ADAMTS9: variants seen among roughly 807,000 people sequenced by gnomAD.
ADAMTS9 encodes the protein ADAM metallopeptidase with thrombospondin type 1 motif 9.
A neutral mutation model predicts 257.1 loss-of-function variants in ADAMTS9; 107 were observed. That is an observed-to-expected ratio of 0.42 (90% CI 0.36 to 0.49). ADAMTS9 has a LOEUF of 0.49. ADAMTS9 is among the 20% of genes least tolerant of loss of function. ADAMTS9 has a pLI of 0.03. For synonymous variants in ADAMTS9, 982 were observed against 880.9 expected (o/e 1.11, Z -2.03); for missense variants, 2,353 against 2,469.1 (o/e 0.95, Z 1.00).
chr3:64,580,091 G>T (rs2083957339), intron 28 of ADAMTS9, among the ~76,000 whole-genome samples: 1 of 152,020 alleles, frequency 6.6e-6, no homozygotes, highest in African/African-American at 2.4e-5. Flanking sequence ...TGACATTTTT[G>T]TCAGATGGGT....
rs201534044 is a variant in ADAMTS9, at chr3:64,539,191, C to A, written c.5613+12G>T. 1.4e-5 allele frequency: 23 copies of A among 1,609,110 alleles called. No homozygotes were observed. The East Asian group carries it at 5.1e-4, about 36-fold the overall frequency. On this transcript the variant is annotated intron_variant, in intron 37 of 39. Coordinates refer to ENST00000498707, the MANE Select transcript of ADAMTS9 (RefSeq NM_182920.2). Reference sequence around the variant, plus strand: ...TGAATCCCTGGCAAGGGGGAAGGCACCAAGGACATACCTGTGGGCACTTGG... The same window carrying A: ...TGAATCCCTGGCAAGGGGGAAGGCAACAAGGACATACCTGTGGGCACTTGG...
intron 29 of ADAMTS9, 48 bp from the exon 30 acceptor site, chr3:64,561,799 T>TTG: frequency 6.3e-5 from 35 of 559,936 alleles, no homozygotes; most frequent in Middle Eastern, 3.3e-4. Flanking sequence ...ATTTATTTTT[T>TTG]GGGGGGGCGG....
intron 9 of ADAMTS9, 129 bp downstream of exon 9, chr3:64,650,888 T>G: frequency 2.6e-6 from 2 of 781,826 alleles, no homozygotes; most frequent in Non-Finnish European, 3.7e-6. Context: ...TTTTTTTGCC[T>G]TCTCCAAGGA....
At chr3:64,549,255 T>C (rs183782169) in intron 31 of ADAMTS9, among the ~76,000 whole-genome samples, 1 of 152,314 alleles carries the variant, frequency 6.6e-6, no homozygotes, top group East Asian at 1.9e-4. Flanking sequence ...TGTGGAAGGC[T>C]TCCTTTTTTC....
Position 64,649,680 on chromosome 3 carries a change from C to T in ADAMTS9, c.1562G>A (p.Cys521Tyr). The change falls in exon 10 of 40, where the codon TGT becomes TAT. Residue 521 changes from cysteine (C) to tyrosine (Y), a missense_variant. By Grantham distance (194) the Cys-to-Tyr change is radical. This residue lies in a region of ADAMTS9 where 360 missense variants were observed against 458.1 expected (regional missense o/e 0.79). Transcript: ENST00000498707. ...AGAACCTGGTCCAAAAATCAATTCA[C>T]ATTGTTTATTCACGTTGTAAAGGAT... is the stretch of plus-strand genomic sequence containing the variant. Reference protein sequence around the residue: ...PGILYNVNKQCELIFGPGSQV... With the variant: ...PGILYNVNKQYELIFGPGSQV... 1 of 1,613,924 alleles carries T rather than the reference C, an allele frequency of 6.2e-7. No individual in the cohort carries two copies. The highest frequency in any genetic ancestry group is 8.5e-7 in the Non-Finnish European group (1 of 1,179,938).
At chr3:64,532,607 G>A (rs143878065) in intron 38 of ADAMTS9, among the ~76,000 whole-genome samples, 139 of 152,256 alleles carry the variant, frequency 9.1e-4, no homozygotes, top group African/African-American at 3.2e-3. Flanking sequence ...CCCAGAACCT[G>A]CATTTCCAAC....
In ADAMTS9 at chr3:64,654,568, T is replaced by C; in HGVS notation, c.1210+4A>G. The C allele has an allele frequency of 1.2e-6, 2 of 1,614,130 alleles. No homozygotes were observed. On this transcript the variant is annotated splice_donor_region_variant and intron_variant, in intron 7 of 39. Coordinates refer to ENST00000498707, the MANE Select transcript of ADAMTS9 (RefSeq NM_182920.2). The stretch of plus-strand genomic sequence containing the variant: ...GCCATAGAAGATACGCACAGAGAAC[T>C]CACCTAAGGTATCACATTTGTCGTG...
intron 39 of ADAMTS9, among the ~76,000 whole-genome samples, chr3:64,520,536 A>G (rs931756849): frequency 2.6e-5 from 4 of 152,184 alleles, no homozygotes; most frequent in Non-Finnish European, 5.9e-5. Flanking sequence ...CCGGACTTCA[A>G]ACTCTACTCC....
chr3:64,623,020 T>C (rs1234937802), intron 16 of ADAMTS9, among the ~76,000 whole-genome samples: 2 of 152,358 alleles, frequency 1.3e-5, no homozygotes, highest in East Asian at 3.9e-4. Context: ...GTCAAGCCTG[T>C]TGAATCTTTG....
At chr3:64,578,015 T>C (rs964854170) in intron 28 of ADAMTS9, among the ~76,000 whole-genome samples, 1 of 152,180 alleles carries the variant, frequency 6.6e-6, no homozygotes, top group Non-Finnish European at 1.5e-5. Context: ...TTTTATAACA[T>C]TTTCGGGAAG....
In ADAMTS9 at chr3:64,646,318, G is replaced by A. The variant is rs187457117; in HGVS notation, c.1710+1622C>T. The stretch of plus-strand genomic sequence containing the variant: ...GGGTCTTTGTGTTTAGAAGGACTCT[G>A]AGGCCACATCTTGATTTTGTAAGAA... On this transcript the variant is annotated intron_variant, in intron 11 of 39. Transcript: ENST00000498707. Among the ~76,000 whole-genome samples, 252 of 152,288 alleles carry A rather than the reference G, an allele frequency of 1.7e-3. 3 individuals carry two copies. The highest frequency in any genetic ancestry group is 5.8e-3 in the African/African-American group (239 of 41,554).
At chr3:64,647,884 C>G in intron 11 of ADAMTS9, 56 bp downstream of exon 11, 2 of 1,514,562 alleles carry the variant, frequency 1.3e-6, no homozygotes, top group Non-Finnish European at 1.8e-6. Context: ...ATCATACACC[C>G]AAAATCTTGC....
At chr3:64,640,786 T>C (rs1700617028) in intron 12 of ADAMTS9, among the ~76,000 whole-genome samples, 1 of 152,226 alleles carries the variant, frequency 6.6e-6, no homozygotes, top group Non-Finnish European at 1.5e-5. Flanking sequence ...GATGTCATTT[T>C]TTATAATGAA....
chr3:64,656,331 T>C (rs1045881838), intron 4 of ADAMTS9, among the ~76,000 whole-genome samples: 1 of 152,312 alleles, frequency 6.6e-6, no homozygotes, highest in South Asian at 2.1e-4. Flanking sequence ...TATAATTAAT[T>C]ATAGGAGCTA....
At chr3:64,546,514 G>A (rs937868828) in intron 32 of ADAMTS9, among the ~76,000 whole-genome samples, 3 of 152,200 alleles carry the variant, frequency 2.0e-5, no homozygotes, top group African/African-American at 7.2e-5. Context: ...TTGTTCACCT[G>A]GGAAGTGGCA....
At position 64,605,401 on chromosome 3, in the gene ADAMTS9, G is replaced by A. The variant is rs191687152; in HGVS notation, c.3475-1070C>T. On this transcript the variant is annotated intron_variant, in intron 23 of 39. Coordinates refer to ENST00000498707, the MANE Select transcript of ADAMTS9 (RefSeq NM_182920.2). ...TAAAATAATATATTTTTTATTATAA[G>A]TCACATATGTTGGTTAATTGATCGA... 2.0e-3 allele frequency among the ~76,000 whole-genome samples: 299 copies of A among 151,612 alleles called. 3 individuals are homozygous for A. The highest frequency in any genetic ancestry group is 7.0e-3 in the African/African-American group (292 of 41,538).
At chr3:64,547,590 G>A (rs1386152415) in intron 31 of ADAMTS9, among the ~76,000 whole-genome samples, 1 of 137,332 alleles carries the variant, frequency 7.3e-6, no homozygotes, top group African/African-American at 2.7e-5. Context: ...TCCGCTCAAT[G>A]AAACCTCCGT....
At chr3:64,639,477 G>C (rs1366359883) in intron 12 of ADAMTS9, among the ~76,000 whole-genome samples, 1 of 151,792 alleles carries the variant, frequency 6.6e-6, no homozygotes, top group Non-Finnish European at 1.5e-5. Context: ...GATTTTCTTT[G>C]TCTAGCCCAT....
At chr3:64,639,451 G>T (rs12053920) in intron 12 of ADAMTS9, among the ~76,000 whole-genome samples, 2 of 151,854 alleles carry the variant, frequency 1.3e-5, no homozygotes, top group African/African-American at 4.8e-5. Context: ...TTTCTGCTGA[G>T]ATCTTTACAC....
Sources: allele counts gnomAD v4.1 joint callset (sites outside exome capture counted in the v4.1 genomes callset), GRCh38; gene constraint gnomAD v4.1.1; regional missense constraint gnomAD v4.1.1; transcripts MANE v1.5; gene names NCBI Gene and HGNC (gene_info 2026-07-23, HGNC 2026-07-21).